Variants in MACROD1 observed in about 807,000 individuals in gnomAD.
MACROD1 encodes the protein ADP-ribose glycohydrolase MACROD1.
A neutral mutation model predicts 41.4 loss-of-function variants in MACROD1; 31 were observed. The observed-to-expected ratio is 0.75, with a 90% CI of 0.56 to 1.01. The LOEUF (loss-of-function observed/expected upper bound fraction) is 1.01. MACROD1 is among the 50% of genes least tolerant of loss of function. The pLI is 0.00. For synonymous variants in MACROD1, 252 were observed against 203.4 expected (o/e 1.24, Z -2.03); for missense variants, 473 against 460.0 (o/e 1.03, Z -0.26).
At chr11:64,078,355 G>A (rs756027176) in intron 3 of MACROD1, among the ~76,000 whole-genome samples, 13 of 152,210 alleles carry the variant, frequency 8.5e-5, no homozygotes, top group Non-Finnish European at 1.5e-4. Context: ...TCCCTGGCCC[G>A]TCTGCGTTCA....
intron 3 of MACROD1, among the ~76,000 whole-genome samples, chr11:64,080,980 T>C (rs1482320184): frequency 2.0e-5 from 3 of 152,204 alleles, no homozygotes; most frequent in African/African-American, 7.2e-5. Flanking sequence ...TGAAGTCTGT[T>C]TAATGAGGGG....
chr11:64,139,861 C>T (rs1486729161), intron 3 of MACROD1, among the ~76,000 whole-genome samples: 1 of 151,634 alleles, frequency 6.6e-6, no homozygotes, highest in Non-Finnish European at 1.5e-5. Context: ...GAGGCTGAGG[C>T]AGGAGAATAG....
intron 3 of MACROD1, among the ~76,000 whole-genome samples, chr11:64,026,528 G>C (rs1455679898): frequency 6.6e-6 from 1 of 152,144 alleles, no homozygotes; most frequent in South Asian, 2.1e-4. Flanking sequence ...TGTGGAGTGC[G>C]CATATCTTAA....
At chr11:64,149,133 T>TG in intron 3 of MACROD1, 2 of 519,190 alleles carry the variant, frequency 3.9e-6, no homozygotes, top group Non-Finnish European at 5.0e-6. Context: ...GGAGGTACCA[T>TG]GTCCCTCGGC....
chr11:64,006,326 C>T (rs930975777), intron 4 of MACROD1, among the ~76,000 whole-genome samples: 1 of 152,170 alleles, frequency 6.6e-6, no homozygotes, highest in African/African-American at 2.4e-5. Context: ...CCCTCCTGGT[C>T]GGCCATTCAA....
intron 3 of MACROD1, among the ~76,000 whole-genome samples, chr11:64,031,793 T>C (rs1168769456): frequency 6.6e-6 from 1 of 152,222 alleles, no homozygotes; most frequent in Non-Finnish European, 1.5e-5. Context: ...TGGAGCTTTC[T>C]GATGTGTGCT....
intron 3 of MACROD1, among the ~76,000 whole-genome samples, chr11:64,097,023 G>C (rs1478129902): frequency 1.3e-5 from 2 of 152,202 alleles, no homozygotes; most frequent in African/African-American, 4.8e-5. Flanking sequence ...GAGCACTCCA[G>C]GCGGATGAGA....
In MACROD1 at chr11:64,135,477, C is replaced by T. The variant is rs552443310; in HGVS notation, c.517+15762G>A. On this transcript the variant is annotated intron_variant, in intron 3 of 10. Transcript: ENST00000255681. ...GAGACACCTGAGCCCTTGCCGCTTG[C>T]CCTCGGCCACCTGACCTTTCAGGGC... Among the ~76,000 whole-genome samples, 12 of 152,372 alleles carry T rather than the reference C, an allele frequency of 7.9e-5. No homozygotes were observed. In the South Asian group the frequency reaches 2.5e-3, roughly 32 times the overall value.
rs562892150 is a variant in MACROD1, at chr11:64,031,929, C to T, written c.518-16648G>A. 2.1e-3 allele frequency among the ~76,000 whole-genome samples: 318 copies of T among 152,346 alleles called. 1 individual carries two copies. Among genetic ancestry groups the T allele is most frequent in the Admixed American group, 5.8e-3 (89 of 15,308 alleles). ...GGCCCCGAGCTAGGAGTCCACCCCT[C>T]CTTGGAGGTGATACCCAGGCTGGGG... On this transcript the variant is annotated intron_variant, in intron 3 of 10. Coordinates refer to ENST00000255681, the MANE Select transcript of MACROD1 (RefSeq NM_014067.4).
rs140660522 is a variant in MACROD1 at position 64,013,556 on chromosome 11, G to A, written c.547+1696C>T. The stretch of plus-strand genomic sequence containing the variant: ...TGTGAGAGGTGACTGGGGACCTAAC[G>A]GGCCATGCTAAGGAACTTGGCCTAG... On this transcript the variant is annotated intron_variant, in intron 4 of 10. Coordinates refer to ENST00000255681, the MANE Select transcript of MACROD1 (RefSeq NM_014067.4). Among the ~76,000 whole-genome samples the A allele has an allele frequency of 3.3e-3, 496 of 152,294 alleles. 2 individuals are homozygous for A. Among genetic ancestry groups the A allele is most frequent in the Middle Eastern group, 0.01 (3 of 294 alleles).
At position 64,101,689 on chromosome 11, in the gene MACROD1, G is replaced by A. The variant is rs571840241; in HGVS notation, c.517+49550C>T. 6.6e-5 allele frequency among the ~76,000 whole-genome samples: 10 copies of A among 152,274 alleles called. No homozygotes were observed. The East Asian group carries it at 9.7e-4, about 15-fold the overall frequency. On this transcript the variant is annotated intron_variant, in intron 3 of 10. Transcript: ENST00000255681. ...AGCAATAAGGGCTCGTGCTAGAGCC[G>A]GCCGCCCTCCCGCCGCGTGCAGGGA...
At chr11:64,088,422 C>T (rs1457115034) in intron 3 of MACROD1, among the ~76,000 whole-genome samples, 1 of 152,172 alleles carries the variant, frequency 6.6e-6, no homozygotes. Context: ...CACAAGCATC[C>T]TCCCTGTGAG....
At position 64,090,264 on chromosome 11, in the gene MACROD1, C is replaced by T. The variant is rs576250641; in HGVS notation, c.517+60975G>A. Among the ~76,000 whole-genome samples, 4 of 152,252 alleles carry T rather than the reference C, an allele frequency of 2.6e-5. No individual in the cohort carries two copies. The highest frequency in any genetic ancestry group is 1.9e-4 in the East Asian group (1 of 5,172). The stretch of plus-strand genomic sequence containing the variant: ...TGGGTCTCCAGCCTTTGCTCATCCT[C>T]GGGAAATGCATCGTGCGTTGCTTTT... On this transcript the variant is annotated intron_variant, in intron 3 of 10. Coordinates refer to ENST00000255681, the MANE Select transcript of MACROD1 (RefSeq NM_014067.4). The surrounding 1 kb of genome is among the most constrained non-coding windows in gnomAD (Gnocchi z 4.7).
chr11:64,010,416 G>A (rs950417552), intron 4 of MACROD1, among the ~76,000 whole-genome samples: 5 of 150,066 alleles, frequency 3.3e-5, no homozygotes, highest in African/African-American at 1.2e-4. Context: ...CTGGAGTGTT[G>A]GTTGAGATGT....
chr11:64,030,106 C>A (rs997534878), intron 3 of MACROD1, among the ~76,000 whole-genome samples: 16 of 152,078 alleles, frequency 1.1e-4, no homozygotes, highest in African/African-American at 3.6e-4. Flanking sequence ...CCCACCCTCT[C>A]TGGCGTCTGT....
At chr11:64,104,272 A>G (rs757514615) in intron 3 of MACROD1, 3 of 152,190 alleles carry the variant, frequency 2.0e-5, no homozygotes, top group African/African-American at 4.8e-5. Flanking sequence ...GCTGGGTTGC[A>G]CCCTCCAAAG....
At chr11:64,021,932 C>CGGGGGGGGGGGGGGGGGG (rs1943158671) in intron 3 of MACROD1, among the ~76,000 whole-genome samples, 1 of 5,078 alleles carries the variant, frequency 2.0e-4, no homozygotes. Context: ...TGGCAGGGGG[C>CGGGGGGGGGGGGGGGGGG]CGGGGGGGGG....
chr11:64,125,194 C>T (rs116309984), intron 3 of MACROD1, among the ~76,000 whole-genome samples: 2,633 of 152,176 alleles, frequency 0.017, 41 homozygotes, highest in South Asian at 0.091. Flanking sequence ...GATGACTGCC[C>T]CCACGTCCTA....
intron 4 of MACROD1, chr11:64,009,209 T>G (rs532709614): frequency 6.6e-6 from 1 of 152,262 alleles, no homozygotes; most frequent in Admixed American, 6.5e-5. Flanking sequence ...AGGACCTGCC[T>G]CCCTTCTTAC....
Sources: gnomAD v4.1 joint callset for allele counts (sites outside exome capture counted in the v4.1 genomes callset) on GRCh38, gnomAD v4.1.1 for gene constraint, Gnocchi (gnomAD v3.1) non-coding constraint, MANE v1.5 for transcripts, NCBI Gene and HGNC (gene_info 2026-07-23, HGNC 2026-07-21) for gene names.